SLC9C2: variants seen among roughly 807,000 people sequenced by gnomAD.
SLC9C2 encodes the protein sodium/hydrogen exchanger 11.
SLC9C2 carries 75 observed loss-of-function variants against 140.2 expected under a neutral mutation model. The ratio of observed to expected loss-of-function variants is 0.53; its 90% confidence interval spans 0.44 to 0.65. The LOEUF (loss-of-function observed/expected upper bound fraction) is 0.65, where lower values mean the gene tolerates loss of function less well. SLC9C2 is among the 30% of genes least tolerant of loss of function. SLC9C2 has a pLI of 0.00. For missense variants in SLC9C2, 1,074 were observed against 1,331.8 expected, an observed-to-expected ratio of 0.81 and a Z score of 3.01; for synonymous variants, 375 against 420.9, an observed-to-expected ratio of 0.89 and a Z score of 1.34.
chr1:173,595,405 C>G (rs1232209413), intron 4 of SLC9C2, among the ~76,000 whole-genome samples: 1 of 152,100 alleles, frequency 6.6e-6, no homozygotes. Flanking sequence ...GATTTGACCC[C>G]CTTATTAAGG....
intron 4 of SLC9C2, among the ~76,000 whole-genome samples, chr1:173,589,070 C>A (rs942065310): frequency 6.6e-6 from 1 of 152,076 alleles, no homozygotes; most frequent in Non-Finnish European, 1.5e-5. Context: ...AGAGAAAGAC[C>A]CTGTCTCTAA....
intron 14 of SLC9C2, among the ~76,000 whole-genome samples, chr1:173,536,185 T>C (rs573680806): frequency 7.6e-6 from 1 of 131,160 alleles, no homozygotes; most frequent in African/African-American, 3.4e-5. Context: ...AAGTAAAGCT[T>C]CTCTAGACCA....
Position 173,558,140 on chromosome 1 carries a change from C to T in SLC9C2, c.1047-632G>A, listed in dbSNP as rs780632370. Among the ~76,000 whole-genome samples the T allele has an allele frequency of 1.1e-4, 16 of 151,972 alleles. No homozygotes were observed. The Middle Eastern group carries it at 0.014, about 129-fold the overall frequency. On this transcript the variant is annotated intron_variant, in intron 9 of 27. Coordinates refer to ENST00000367714, the MANE Select transcript of SLC9C2 (RefSeq NM_178527.4). ...TGATTTAGAACAAATGAAATTTCAG[C>T]GAAAGTGAAAACAGATGTGTTCTTA... is the stretch of plus-strand genomic sequence containing the variant.
intron 9 of SLC9C2, among the ~76,000 whole-genome samples, chr1:173,561,621 A>G (rs1664113974): frequency 6.6e-6 from 1 of 152,120 alleles, no homozygotes; most frequent in Admixed American, 6.5e-5. Context: ...ATCTCTCAGG[A>G]GTATGACTAA....
chr1:173,501,505 C>CTTTT lies in SLC9C2; in HGVS notation c.3372-412_3372-409dup, dbSNP rs35363966. On this transcript the variant is annotated intron_variant, in intron 27 of 27. Coordinates refer to ENST00000367714, the MANE Select transcript of SLC9C2 (RefSeq NM_178527.4). ...AAATGAGGAACTCAATTATTTGACT[C>CTTTT]TTTTTTTTTTTTTTTTTTTTTTTGA... Among the ~76,000 whole-genome samples the CTTTT allele has an allele frequency of 2.4e-3, 232 of 96,314 alleles. 8 individuals carry two copies. The highest frequency in any genetic ancestry group is 6.3e-3 in the African/African-American group (159 of 25,078). 63.2% of individuals were successfully genotyped at this position (96,314 alleles called of 152,430 possible). A position where few individuals can be genotyped will look rare whatever the true frequency, so the allele number is the denominator to read the frequency against.
chr1:173,602,501 T>A (rs1666848060), intron 1 of SLC9C2, among the ~76,000 whole-genome samples: 1 of 152,094 alleles, frequency 6.6e-6, no homozygotes, highest in Non-Finnish European at 1.5e-5. Context: ...TTTGAGTGAA[T>A]TAGAAAAAGG....
At chr1:173,519,786 G>C (rs991097455) in intron 22 of SLC9C2, among the ~76,000 whole-genome samples, 1 of 152,144 alleles carries the variant, frequency 6.6e-6, no homozygotes, top group African/African-American at 2.4e-5. Context: ...GTAATCTTTG[G>C]CCTCTGAGTA....
At chr1:173,510,433 G>A (rs922755869) in intron 23 of SLC9C2, among the ~76,000 whole-genome samples, 4 of 152,080 alleles carry the variant, frequency 2.6e-5, no homozygotes, top group Admixed American at 6.6e-5. Context: ...TGTCATCTAA[G>A]TTTTAAGCCC....
chr1:173,576,206 G>T (rs191706184), intron 8 of SLC9C2, among the ~76,000 whole-genome samples: 63 of 152,226 alleles, frequency 4.1e-4, no homozygotes, highest in Non-Finnish European at 2.5e-4. Flanking sequence ...ACAGGCAAAT[G>T]ATTTTCCCCC....
At position 173,534,480 on chromosome 1, in the gene SLC9C2, G is replaced by A; in HGVS notation, c.1974+4C>T. On this transcript the variant is annotated splice_donor_region_variant and intron_variant, in intron 16 of 27. Coordinates refer to ENST00000367714, the MANE Select transcript of SLC9C2 (RefSeq NM_178527.4). ...ATAGATTCTATTTCTATTTTAAACAGTACCTTCAATGTTGATTCTAATACA... is the reference window on the plus strand; with the variant it reads ...ATAGATTCTATTTCTATTTTAAACAATACCTTCAATGTTGATTCTAATACA... 6.4e-7 allele frequency: 1 copy of A among 1,557,460 alleles called. No homozygotes were observed. The highest frequency in any genetic ancestry group is 8.6e-7 in the Non-Finnish European group (1 of 1,157,536).
In SLC9C2 at chr1:173,507,043, T is replaced by A; in HGVS notation, c.3040-2A>T. 1 of 1,551,264 alleles carries A rather than the reference T, an allele frequency of 6.4e-7. No individual in the cohort carries two copies. The highest frequency in any genetic ancestry group is 8.6e-7 in the Non-Finnish European group (1 of 1,156,384). ...CACACAGTTCTGAAACCTTAAGTCC[T>A]ATAATAAAATTGCATTTTAGAAAAT... On this transcript the variant is annotated splice_acceptor_variant, in intron 24 of 27. Coordinates refer to ENST00000367714, the MANE Select transcript of SLC9C2 (RefSeq NM_178527.4). LOFTEE classifies it high-confidence loss of function.
intron 6 of SLC9C2, 58 bp downstream of exon 6, chr1:173,583,448 G>A (rs1245122271): frequency 1.0e-6 from 1 of 986,870 alleles, no homozygotes; most frequent in African/African-American, 1.7e-5. Context: ...ACATTTGAAT[G>A]TATTTTAATT....
intron 25 of SLC9C2, 69 bp downstream of exon 25, chr1:173,506,787 G>C: frequency 7.6e-7 from 1 of 1,317,630 alleles, no homozygotes; most frequent in South Asian, 1.4e-5. Flanking sequence ...AAGGTGATCA[G>C]TTGAGTTTTA....
intron 11 of SLC9C2, among the ~76,000 whole-genome samples, chr1:173,549,630 G>A (rs1379792166): frequency 6.6e-6 from 1 of 152,164 alleles, no homozygotes; most frequent in Non-Finnish European, 1.5e-5. Context: ...TAGACCAGGT[G>A]GAAGGAGTTG....
In SLC9C2 at chr1:173,516,097, G is replaced by A. The variant is rs542651332; in HGVS notation, c.2907+1440C>T. On this transcript the variant is annotated intron_variant, in intron 23 of 27. Coordinates refer to ENST00000367714, the MANE Select transcript of SLC9C2 (RefSeq NM_178527.4). ...AACTGATGCCAGTAGGAACGCTCCT[G>A]TATAGGGTGTCTGATAACCCCTATT... 8.5e-5 allele frequency among the ~76,000 whole-genome samples: 13 copies of A among 152,262 alleles called. No homozygotes were observed. The South Asian group carries it at 2.7e-3, about 32-fold the overall frequency.
chr1:173,557,981 C>T (rs540479678), intron 9 of SLC9C2, among the ~76,000 whole-genome samples: 2 of 152,282 alleles, frequency 1.3e-5, no homozygotes, highest in East Asian at 1.9e-4. Context: ...GAATCATACG[C>T]TAAATGTCAC....
intron 5 of SLC9C2, among the ~76,000 whole-genome samples, chr1:173,586,055 C>T (rs953000232): frequency 3.3e-5 from 5 of 151,844 alleles, no homozygotes; most frequent in African/African-American, 4.8e-5. Flanking sequence ...CAATAAATAA[C>T]ATTTATAGTT....
chr1:173,547,521 GGAA>G (rs1175424639), intron 13 of SLC9C2, among the ~76,000 whole-genome samples, 165 bp downstream of exon 13: 2 of 151,440 alleles, frequency 1.3e-5, no homozygotes, highest in African/African-American at 2.4e-5. Flanking sequence ...TCAAGCCTCA[GGAA>G]GAAGGAGAAT....
chr1:173,516,004 G>C (rs1345247328), intron 23 of SLC9C2, among the ~76,000 whole-genome samples: 2 of 152,172 alleles, frequency 1.3e-5, no homozygotes, highest in African/African-American at 4.8e-5. Flanking sequence ...GTCACTCGAG[G>C]AGGCTGGAGA....
Sources: allele counts gnomAD v4.1 joint callset (sites outside exome capture counted in the v4.1 genomes callset), GRCh38; gene constraint gnomAD v4.1.1; transcripts MANE v1.5; gene names NCBI Gene and HGNC (gene_info 2026-07-23, HGNC 2026-07-21).